The following PTPRE variants were observed in gnomAD, a reference collection of about 807,000 sequenced individuals.
PTPRE encodes the protein receptor-type tyrosine-protein phosphatase epsilon.
A neutral mutation model predicts 102.0 loss-of-function variants in PTPRE; 51 were observed. The observed-to-expected ratio is 0.50, with a 90% CI of 0.40 to 0.63. PTPRE has a LOEUF of 0.63. Among genes scored for constraint, PTPRE ranks in the 30% least tolerant of loss-of-function variants. The pLI is 0.00. For synonymous variants in PTPRE, 345 were observed against 348.2 expected, an observed-to-expected ratio of 0.99 and a Z score of 0.10; for missense variants, 752 against 915.1, an observed-to-expected ratio of 0.82 and a Z score of 2.30.
intron 11 of PTPRE, among the ~76,000 whole-genome samples, chr10:128,067,229 C>T (rs1307476068): frequency 1.3e-5 from 2 of 150,882 alleles, no homozygotes; most frequent in Non-Finnish European, 3.0e-5. Flanking sequence ...CATGCACACA[C>T]ATGCACACAC....
At chr10:128,050,453 A>C (rs562404800) in intron 6 of PTPRE, among the ~76,000 whole-genome samples, 1 of 151,270 alleles carries the variant, frequency 6.6e-6, no homozygotes, top group Admixed American at 6.6e-5. Flanking sequence ...TGATGGATGG[A>C]TGAGTGGGAG....
intron 2 of PTPRE, among the ~76,000 whole-genome samples, chr10:127,993,757 T>C (rs7904367): frequency 0.71 from 107,447 of 151,876 alleles, 38,676 homozygotes; most frequent in African/African-American, 0.86. Context: ...TCTCTCTGGA[T>C]CTTTCATAGT....
chr10:128,045,933 G>C (rs999524564), intron 3 of PTPRE, among the ~76,000 whole-genome samples: 1 of 152,204 alleles, frequency 6.6e-6, no homozygotes, highest in Non-Finnish European at 1.5e-5. Flanking sequence ...CTAGCCAGAT[G>C]GGGGAGGCAC....
rs762442274 is a variant in PTPRE, at chr10:127,987,360, G to A, written c.-8+5064G>A. On this transcript the variant is annotated intron_variant, in intron 2 of 20. Coordinates refer to ENST00000254667, the MANE Select transcript of PTPRE (RefSeq NM_006504.6). ...GGGAAACATGGATTCTCCAAGGCCA[G>A]GATGGTTTCCCAGCGTCTTCCCAGG... The A allele has an allele frequency of 2.6e-5, 34 of 1,284,050 alleles. No individual in the cohort carries two copies. In the South Asian group the frequency reaches 4.0e-4, roughly 15 times the overall value. The allele number at this position is 1,284,050 out of a possible 1,614,324, so 79.5% of individuals were successfully genotyped here.
Position 128,070,420 on chromosome 10 carries a change from C to T in PTPRE, c.1263C>T (p.Phe421=), listed in dbSNP as rs141078040. The T allele has an allele frequency of 9.3e-5, 150 of 1,614,112 alleles. No individual in the cohort carries two copies. In the Admixed American group the frequency reaches 1.0e-3, roughly 11 times the overall value. The change falls in exon 14 of 21, where the codon TTC becomes TTT. Residue 421 remains phenylalanine, a synonymous_variant. Transcript: ENST00000254667. The surrounding 1 kb of genome is among the most constrained non-coding windows in gnomAD (Gnocchi z 4.8). ...CCATGCACGGCACCACCACCCACTT[C>T]GACAAGATCGGGCTGGAGGAGGAGT... is the stretch of plus-strand genomic sequence containing the variant. ...LQTMHGTTTH[F]DKIGLEEEFR...
intron 10 of PTPRE, among the ~76,000 whole-genome samples, chr10:128,065,502 C>G (rs770898612): frequency 6.6e-6 from 1 of 152,178 alleles, no homozygotes; most frequent in Non-Finnish European, 1.5e-5. Context: ...ATGGGCCTGT[C>G]TGTAGCAATG....
chr10:127,981,364 G>T (rs1851597510), intron 1 of PTPRE, among the ~76,000 whole-genome samples: 1 of 152,188 alleles, frequency 6.6e-6, no homozygotes, highest in African/African-American at 2.4e-5. Context: ...CTTTTTGAAT[G>T]ATGAAAATGT....
intron 1 of PTPRE, among the ~76,000 whole-genome samples, chr10:127,954,679 C>G (rs151009105): frequency 6.6e-6 from 1 of 152,228 alleles, no homozygotes; most frequent in Non-Finnish European, 1.5e-5. Context: ...CAATGCCTTG[C>G]AGGCTGAGGC....
At chr10:128,025,827 C>A (rs536422871) in intron 2 of PTPRE, among the ~76,000 whole-genome samples, 1 of 152,366 alleles carries the variant, frequency 6.6e-6, no homozygotes, top group South Asian at 2.1e-4. Flanking sequence ...CACCCCCTTT[C>A]CCAGGGCACT....
intron 12 of PTPRE, chr10:128,069,403 A>G (rs1850560432): frequency 2.6e-6 from 1 of 385,804 alleles, no homozygotes; most frequent in Non-Finnish European, 4.7e-6. Context: ...AGAAGAAGAC[A>G]CTGTTTGGTA....
At chr10:128,053,033 G>A (rs1848671971) in intron 6 of PTPRE, among the ~76,000 whole-genome samples, 1 of 152,164 alleles carries the variant, frequency 6.6e-6, no homozygotes, top group Non-Finnish European at 1.5e-5. Flanking sequence ...CAGATCATTT[G>A]AGCCCAGTAG....
Position 128,085,060 on chromosome 10 carries a change from T to C in PTPRE, c.*2154T>C, listed in dbSNP as rs1485944874. Reference sequence around the variant, plus strand: ...CAGGGGTTCTGCCTGTTCCCAAACTTTTTCCATTCCAGGAACAAAGGAGAA... The same window carrying C: ...CAGGGGTTCTGCCTGTTCCCAAACTCTTTCCATTCCAGGAACAAAGGAGAA... On this transcript the variant is annotated 3_prime_UTR_variant, in exon 21 of 21. Transcript: ENST00000254667. 2.2e-6 allele frequency: 1 copy of C among 455,910 alleles called. No homozygotes were observed. The highest frequency in any genetic ancestry group is 2.4e-5 in the Admixed American group (1 of 42,538). 28.2% of individuals were successfully genotyped at this position (455,910 alleles called of 1,614,324 possible).
chr10:127,957,326 A>AC (rs1409885092), intron 1 of PTPRE, among the ~76,000 whole-genome samples: 1 of 152,168 alleles, frequency 6.6e-6, no homozygotes, highest in African/African-American at 2.4e-5. Flanking sequence ...TGTTGAAAAG[A>AC]CCATCAATCT....
intron 3 of PTPRE, among the ~76,000 whole-genome samples, chr10:128,042,520 C>A (rs1442393955): frequency 6.6e-6 from 1 of 152,156 alleles, no homozygotes; most frequent in Non-Finnish European, 1.5e-5. Context: ...AGGGCCTCTG[C>A]GTGCTTAGCA....
At chr10:127,991,044 AG>A (rs1438819289) in intron 2 of PTPRE, among the ~76,000 whole-genome samples, 3 of 152,224 alleles carry the variant, frequency 2.0e-5, no homozygotes, top group African/African-American at 7.2e-5. Flanking sequence ...TGCTAGAAGA[AG>A]TGATTCACTG....
At position 127,913,074 on chromosome 10, in the gene PTPRE, C is replaced by T. The variant is rs557869111; in HGVS notation, c.-31+5765C>T. ...AGGCTCTGGACAAGGCAAGGGACTT[C>T]CCCTGGCCCAGTGTGAGCCCAAGTC... On this transcript the variant is annotated intron_variant, in intron 1 of 20. Coordinates refer to ENST00000254667, the MANE Select transcript of PTPRE (RefSeq NM_006504.6). Among the ~76,000 whole-genome samples the T allele has an allele frequency of 4.6e-5, 7 of 152,342 alleles. No individual in the cohort carries two copies. The South Asian group carries it at 1.0e-3, about 23-fold the overall frequency.
At chr10:128,046,006 G>T (rs1848061159) in intron 3 of PTPRE, among the ~76,000 whole-genome samples, 1 of 152,212 alleles carries the variant, frequency 6.6e-6, no homozygotes, top group Admixed American at 6.5e-5. Context: ...CTCTCTCACG[G>T]CTGGGGCCAC....
At chr10:128,073,860 G>T (rs1350242482) in intron 17 of PTPRE, among the ~76,000 whole-genome samples, 2 of 152,158 alleles carry the variant, frequency 1.3e-5, no homozygotes, top group Non-Finnish European at 2.9e-5. Context: ...TCTCCCCCAA[G>T]ACATAACTAC....
intron 1 of PTPRE, among the ~76,000 whole-genome samples, chr10:127,915,334 A>G (rs2135149046): frequency 6.6e-6 from 1 of 152,298 alleles, no homozygotes; most frequent in Admixed American, 6.5e-5. Flanking sequence ...CTCTTTCTGA[A>G]AGCAACCTTA....
Sources: gnomAD v4.1 joint callset for allele counts (sites outside exome capture counted in the v4.1 genomes callset) on GRCh38, gnomAD v4.1.1 for gene constraint, Gnocchi (gnomAD v3.1) non-coding constraint, MANE v1.5 for transcripts, NCBI Gene and HGNC (gene_info 2026-07-23, HGNC 2026-07-21) for gene names.